The following FBXL7 variants were observed in gnomAD, a reference collection of about 807,000 sequenced individuals.
The protein encoded by FBXL7 is F-box/LRR-repeat protein 7.
In FBXL7, 12 loss-of-function variants were observed where a neutral mutation model predicts 38.3. That is an observed-to-expected ratio of 0.31 (90% CI 0.20 to 0.51). FBXL7 has a LOEUF of 0.51. Among genes scored for constraint, FBXL7 ranks in the 20% least tolerant of loss-of-function variants. The pLI is 0.98. For synonymous variants in FBXL7, 297 were observed against 300.9 expected (o/e 0.99, Z 0.13); for missense variants, 567 against 676.4 (o/e 0.84, Z 1.79).
At chr5:15,746,859 T>C (rs1024418480) in intron 2 of FBXL7, among the ~76,000 whole-genome samples, 24 of 152,036 alleles carry the variant, frequency 1.6e-4, no homozygotes, top group Non-Finnish European at 1.9e-4. Flanking sequence ...AAAACTGAAA[T>C]AAATACATAC....
chr5:15,871,793 GA>G (rs1221444451), intron 2 of FBXL7, among the ~76,000 whole-genome samples: 1 of 152,142 alleles, frequency 6.6e-6, no homozygotes. Flanking sequence ...GGGACTATGT[GA>G]AAAAACCAAC....
At chr5:15,689,159 G>T (rs1454926974) in intron 2 of FBXL7, among the ~76,000 whole-genome samples, 1 of 152,138 alleles carries the variant, frequency 6.6e-6, no homozygotes, top group African/African-American at 2.4e-5. Context: ...TGCTGAGCTG[G>T]CCTGCATGTC....
At chr5:15,541,838 C>T (rs1392830484) in intron 1 of FBXL7, among the ~76,000 whole-genome samples, 1 of 152,002 alleles carries the variant, frequency 6.6e-6, no homozygotes, top group African/African-American at 2.4e-5. Context: ...AGCCACCATG[C>T]CTGGCTCCCA....
At position 15,871,721 on chromosome 5, in the gene FBXL7, A is replaced by C. The variant is rs149482847; in HGVS notation, c.128-56169A>C. Among the ~76,000 whole-genome samples the C allele has an allele frequency of 1.5e-3, 233 of 152,298 alleles. 1 individual carries two copies. The East Asian group carries it at 0.026, about 17-fold the overall frequency. On this transcript the variant is annotated intron_variant, in intron 2 of 3. Coordinates refer to ENST00000504595, the MANE Select transcript of FBXL7 (RefSeq NM_012304.5). ...GATATCAGAGATTGAAGATCATTAA[A>C]GCATGAAGACAAGATTAGAGAAAAA...
intron 1 of FBXL7, among the ~76,000 whole-genome samples, chr5:15,557,139 C>T (rs182542952): frequency 6.6e-6 from 1 of 152,280 alleles, no homozygotes; most frequent in East Asian, 1.9e-4. Flanking sequence ...GGGGTTTCAC[C>T]ATGTTAGCCA....
intron 2 of FBXL7, among the ~76,000 whole-genome samples, chr5:15,630,450 G>A (rs1311154613): frequency 6.6e-6 from 1 of 151,094 alleles, no homozygotes; most frequent in African/African-American, 2.4e-5. Flanking sequence ...AAATATGGCT[G>A]AATTGGTTTG....
intron 2 of FBXL7, among the ~76,000 whole-genome samples, chr5:15,622,542 T>G (rs941438601): frequency 2.0e-5 from 3 of 152,152 alleles, no homozygotes; most frequent in African/African-American, 7.2e-5. Context: ...GGTGTTTGGG[T>G]TTTTGTCCTT....
chr5:15,511,918 G>A (rs1326051878), intron 1 of FBXL7, among the ~76,000 whole-genome samples: 3 of 152,182 alleles, frequency 2.0e-5, no homozygotes, highest in Non-Finnish European at 4.4e-5. Context: ...AGAATGCGGA[G>A]TGAATTACTA....
At chr5:15,751,884 T>C (rs150488551) in intron 2 of FBXL7, among the ~76,000 whole-genome samples, 59 of 152,294 alleles carry the variant, frequency 3.9e-4, no homozygotes, top group African/African-American at 1.4e-3. Context: ...AGCAGGAATC[T>C]GGTAACAGAT....
At chr5:15,547,049 C>T (rs1737918928) in intron 1 of FBXL7, among the ~76,000 whole-genome samples, 1 of 152,158 alleles carries the variant, frequency 6.6e-6, no homozygotes, top group African/African-American at 2.4e-5. Flanking sequence ...GTCCTTGATT[C>T]AGAGGTGAGA....
At chr5:15,887,685 T>C (rs1471715495) in intron 2 of FBXL7, among the ~76,000 whole-genome samples, 1 of 152,190 alleles carries the variant, frequency 6.6e-6, no homozygotes, top group African/African-American at 2.4e-5. Flanking sequence ...TTAACTCCGC[T>C]ACTCATGGGG....
At chr5:15,604,630 C>T (rs1003920344) in intron 1 of FBXL7, among the ~76,000 whole-genome samples, 10 of 152,200 alleles carry the variant, frequency 6.6e-5, no homozygotes, top group African/African-American at 2.4e-4. Flanking sequence ...GCTGGGATTA[C>T]AGGCCTGAGC....
In FBXL7 at chr5:15,810,566, AAAAAAAAAAGTAT is replaced by A. The variant is rs530154519; in HGVS notation, c.128-117319_128-117307del. On this transcript the variant is annotated intron_variant, in intron 2 of 3. Coordinates refer to ENST00000504595, the MANE Select transcript of FBXL7 (RefSeq NM_012304.5). ...ACAAGAGCAAAACTCCGTCTCAAAA[AAAAAAAAAAGTAT>A]AAAACATGAAATACAGATTTGAACC... Among the ~76,000 whole-genome samples, 247 of 151,972 alleles carry A rather than the reference AAAAAAAAAAGTAT, an allele frequency of 1.6e-3. 7 individuals carry two copies. The South Asian group carries it at 0.048, about 29-fold the overall frequency.
intron 2 of FBXL7, among the ~76,000 whole-genome samples, chr5:15,923,737 C>A (rs1325232925): frequency 6.6e-6 from 1 of 152,086 alleles, no homozygotes; most frequent in African/African-American, 2.4e-5. Flanking sequence ...GTAGGAATAG[C>A]AGGAAGGAAT....
At chr5:15,873,675 A>G (rs1032753632) in intron 2 of FBXL7, among the ~76,000 whole-genome samples, 1 of 152,232 alleles carries the variant, frequency 6.6e-6, no homozygotes. Flanking sequence ...GAAGAAGTGC[A>G]TAAATTCCTG....
chr5:15,653,864 A>G (rs1207128918), intron 2 of FBXL7, among the ~76,000 whole-genome samples: 1 of 152,330 alleles, frequency 6.6e-6, no homozygotes, highest in Admixed American at 6.5e-5. Context: ...AGCTACCAGT[A>G]AAGACATGCA....
intron 1 of FBXL7, among the ~76,000 whole-genome samples, chr5:15,593,011 C>T (rs551263316): frequency 7.2e-5 from 11 of 152,248 alleles, no homozygotes; most frequent in Non-Finnish European, 1.0e-4. Flanking sequence ...CTGGGAAATA[C>T]TTAAGGCGAG....
At chr5:15,728,202 C>A (rs2126659908) in intron 2 of FBXL7, among the ~76,000 whole-genome samples, 1 of 152,214 alleles carries the variant, frequency 6.6e-6, no homozygotes, top group African/African-American at 2.4e-5. Context: ...GTATATCTGC[C>A]ATGATGTCTT....
At chr5:15,698,075 A>G (rs1446277493) in intron 2 of FBXL7, among the ~76,000 whole-genome samples, 2 of 152,232 alleles carry the variant, frequency 1.3e-5, no homozygotes, top group Non-Finnish European at 2.9e-5. Flanking sequence ...TTTTTAATGC[A>G]TCTTCCAGAG....
Sources: allele counts gnomAD v4.1 joint callset (sites outside exome capture counted in the v4.1 genomes callset), GRCh38; gene constraint gnomAD v4.1.1; transcripts MANE v1.5; gene names NCBI Gene and HGNC (gene_info 2026-07-23, HGNC 2026-07-21).